Variants in KIF26B observed in about 807,000 individuals in gnomAD.
KIF26B encodes the protein kinesin-like protein KIF26B.
Under a neutral mutation model 151.2 loss-of-function variants are expected in KIF26B, and 63 were observed. That is an observed-to-expected ratio of 0.42 (90% CI 0.34 to 0.51). The LOEUF is 0.51. Among genes scored for constraint, KIF26B ranks in the 20% least tolerant of loss-of-function variants. The probability of loss-of-function intolerance (pLI) is 0.07; values close to 1 mark genes in which losing one functional copy is unlikely to be tolerated. For synonymous variants in KIF26B, 1,357 were observed against 1,262.1 expected (o/e 1.08, Z -1.59); for missense variants, 2,813 against 2,913.6 (o/e 0.97, Z 0.79).
chr1:245,410,344 G>A (rs147922714), intron 3 of KIF26B, among the ~76,000 whole-genome samples: 1,660 of 152,302 alleles, frequency 0.011, 10 homozygotes, highest in Non-Finnish European at 0.017. Context: ...GGGCCTCACC[G>A]TTGATGGTCC....
intron 4 of KIF26B, among the ~76,000 whole-genome samples, chr1:245,484,956 T>G (rs1221094409): frequency 6.6e-6 from 1 of 151,646 alleles, no homozygotes; most frequent in Non-Finnish European, 1.5e-5. Context: ...GAAATAGAAA[T>G]AAACACAACA....
At chr1:245,439,454 G>T (rs1229752085) in intron 4 of KIF26B, among the ~76,000 whole-genome samples, 1 of 152,096 alleles carries the variant, frequency 6.6e-6, no homozygotes, top group Non-Finnish European at 1.5e-5. Context: ...AAATAGAGTT[G>T]CAATAAGTGG....
chr1:245,679,457 G>GTTTTTTTTTTTTTTTTT (rs35663208), intron 10 of KIF26B, among the ~76,000 whole-genome samples: 5 of 59,208 alleles, frequency 8.4e-5, no homozygotes, highest in African/African-American at 1.2e-4. Flanking sequence ...TTTTGTGTGT[G>GTTTTTTTTTTTTTTTTT]TTTTTTTTTT....
intron 2 of KIF26B, among the ~76,000 whole-genome samples, chr1:245,340,774 T>C (rs1672318449): frequency 1.3e-5 from 2 of 152,060 alleles, no homozygotes; most frequent in African/African-American, 4.8e-5. Context: ...CTTAAAGAAA[T>C]GTGCAGGGGT....
At chr1:245,249,320 C>T (rs371185707) in intron 2 of KIF26B, among the ~76,000 whole-genome samples, 25 of 151,874 alleles carry the variant, frequency 1.6e-4, no homozygotes, top group South Asian at 6.3e-4. Context: ...GGGATGGTCT[C>T]GATCTTCTGA....
chr1:245,506,037 A>G (rs1660723261), intron 4 of KIF26B, among the ~76,000 whole-genome samples: 1 of 152,222 alleles, frequency 6.6e-6, no homozygotes, highest in Admixed American at 6.5e-5. Flanking sequence ...TCTTCCTTGC[A>G]TGTGAATACA....
At chr1:245,561,936 A>T (rs1452927315) in intron 5 of KIF26B, among the ~76,000 whole-genome samples, 2 of 152,142 alleles carry the variant, frequency 1.3e-5, no homozygotes, top group Non-Finnish European at 2.9e-5. Flanking sequence ...AAGGCTCTTT[A>T]CAGCTTTCTG....
chr1:245,442,143 A>T (rs1334171163), intron 4 of KIF26B, among the ~76,000 whole-genome samples: 2 of 152,160 alleles, frequency 1.3e-5, no homozygotes, highest in Non-Finnish European at 2.9e-5. Flanking sequence ...ACTATGGAAA[A>T]CAGAGCCCTA....
At chr1:245,604,107 T>A (rs1488719300) in intron 6 of KIF26B, among the ~76,000 whole-genome samples, 1 of 152,184 alleles carries the variant, frequency 6.6e-6, no homozygotes, top group African/African-American at 2.4e-5. Flanking sequence ...CGTGTAGAAC[T>A]GATTGCAGAA....
chr1:245,522,091 G>T lies in KIF26B; in HGVS notation c.1167-18676G>T, dbSNP rs148609986. ...TCACCGTGTTAGCCAGGATGGTCTC[G>T]ATCTCCTGACCTCATGATCTGCCCG... is the stretch of plus-strand genomic sequence containing the variant. On this transcript the variant is annotated intron_variant, in intron 4 of 14. Coordinates refer to ENST00000407071, the MANE Select transcript of KIF26B (RefSeq NM_018012.4). Among the ~76,000 whole-genome samples the T allele has an allele frequency of 3.9e-5, 6 of 152,070 alleles. No individual in the cohort carries two copies. In the East Asian group the frequency reaches 1.2e-3, roughly 29 times the overall value.
chr1:245,666,150 G>A (rs1240370966), intron 10 of KIF26B, among the ~76,000 whole-genome samples: 1 of 151,772 alleles, frequency 6.6e-6, no homozygotes, highest in Non-Finnish European at 1.5e-5. Context: ...ACAGGCAGGT[G>A]CCACCACACT....
chr1:245,596,813 G>A (rs2043340106), intron 5 of KIF26B, among the ~76,000 whole-genome samples: 1 of 152,162 alleles, frequency 6.6e-6, no homozygotes, highest in East Asian at 1.9e-4. Flanking sequence ...GAATCTGGGT[G>A]CTCCTGTATT....
At chr1:245,188,216 G>A (rs1260667239) in intron 2 of KIF26B, among the ~76,000 whole-genome samples, 2 of 143,140 alleles carry the variant, frequency 1.4e-5, no homozygotes, top group Non-Finnish European at 3.0e-5. Flanking sequence ...GGAGGTGGAG[G>A]TTGCAGTGAG....
Position 245,572,486 on chromosome 1 carries a change from TGC to T in KIF26B, c.1351-30088_1351-30087del, listed in dbSNP as rs1421153003. Among the ~76,000 whole-genome samples, 1 of 152,134 alleles carries T rather than the reference TGC, an allele frequency of 6.6e-6. No homozygotes were observed. Among genetic ancestry groups the T allele is most frequent in the Non-Finnish European group, 1.5e-5 (1 of 68,028 alleles). Reference sequence around the variant, plus strand: ...CAGCCCATTTTCAGGCACGGTATCCTGCGCTGCTAGCACCGTAGCCATCACTG... The same window carrying T: ...CAGCCCATTTTCAGGCACGGTATCCTGCTGCTAGCACCGTAGCCATCACTG... On this transcript the variant is annotated intron_variant, in intron 5 of 14. Transcript: ENST00000407071. The surrounding 1 kb of genome is among the most constrained non-coding windows in gnomAD (Gnocchi z 4.2).
chr1:245,196,936 A>G (rs190076764), intron 2 of KIF26B, among the ~76,000 whole-genome samples: 1 of 152,264 alleles, frequency 6.6e-6, no homozygotes, highest in East Asian at 1.9e-4. Flanking sequence ...ACTCTTTAAG[A>G]GGAACAAAAT....
intron 4 of KIF26B, among the ~76,000 whole-genome samples, chr1:245,443,363 CT>C (rs1395014177): frequency 6.8e-6 from 1 of 147,986 alleles, no homozygotes; most frequent in African/African-American, 2.5e-5. Context: ...ATCTCCCTCA[CT>C]GTTCACCCTG....
rs574680221 is a variant in KIF26B at position 245,552,498 on chromosome 1, A to G, written c.1350+11548A>G. On this transcript the variant is annotated intron_variant, in intron 5 of 14. Transcript: ENST00000407071. ...GGCCCAGCCAAATTGACACATTACC[A>G]TCGCACTAGGGGAATGAATGGAATG... Among the ~76,000 whole-genome samples, 27 of 152,166 alleles carry G rather than the reference A, an allele frequency of 1.8e-4. No individual in the cohort carries two copies. The East Asian group carries it at 5.0e-3, about 28-fold the overall frequency.
intron 5 of KIF26B, among the ~76,000 whole-genome samples, chr1:245,593,872 T>C (rs1169684786): frequency 1.3e-5 from 2 of 152,226 alleles, no homozygotes; most frequent in African/African-American, 2.4e-5. Context: ...TTCTAACTGG[T>C]GTGAGATGGT....
At chr1:245,279,585 A>C (rs1671001494) in intron 2 of KIF26B, among the ~76,000 whole-genome samples, 1 of 152,036 alleles carries the variant, frequency 6.6e-6, no homozygotes, top group South Asian at 2.1e-4. Context: ...CTGGGATTAC[A>C]GGCATGAGTC....
Sources: gnomAD v4.1 joint callset for allele counts (sites outside exome capture counted in the v4.1 genomes callset) on GRCh38, gnomAD v4.1.1 for gene constraint, Gnocchi (gnomAD v3.1) non-coding constraint, MANE v1.5 for transcripts, NCBI Gene and HGNC (gene_info 2026-07-23, HGNC 2026-07-21) for gene names.